PABPC4L: variants seen among roughly 807,000 people sequenced by gnomAD.
PABPC4L encodes the protein polyadenylate-binding protein 4-like.
For synonymous variants in PABPC4L, 169 were observed against 164.1 expected, an observed-to-expected ratio of 1.03 and a Z score of -0.23; for missense variants, 452 against 451.4, an observed-to-expected ratio of 1.00 and a Z score of -0.01.
the PABPC4L span, among the ~76,000 whole-genome samples, chr4:134,180,626 C>T: frequency 6.6e-6 from 1 of 151,046 alleles, no homozygotes; most frequent in Non-Finnish European, 1.5e-5. Context: ...ATAGATAGAC[C>T]TCTAGCTAGA....
At chr4:134,060,537 T>A in the PABPC4L span, among the ~76,000 whole-genome samples, 1 of 151,386 alleles carries the variant, frequency 6.6e-6, no homozygotes, top group African/African-American at 2.4e-5. Context: ...CCAGTCAGAG[T>A]TGTGAGGTCA....
chr4:134,138,845 C>T, the PABPC4L span, among the ~76,000 whole-genome samples: 2 of 151,756 alleles, frequency 1.3e-5, no homozygotes, highest in African/African-American at 4.8e-5. Flanking sequence ...TCTGAATCAG[C>T]TTTGTGCTCA....
chr4:133,966,919 C>T, the PABPC4L span, among the ~76,000 whole-genome samples: 9 of 152,002 alleles, frequency 5.9e-5, no homozygotes, highest in Admixed American at 2.0e-4. Context: ...TTTGGTGTTC[C>T]GGTGAAAGAA....
chr4:133,963,733 CA>C, the PABPC4L span, among the ~76,000 whole-genome samples: 2 of 151,538 alleles, frequency 1.3e-5, no homozygotes, highest in African/African-American at 2.4e-5. Flanking sequence ...ACCTGTTCCT[CA>C]AAAATGAAAT....
the PABPC4L span, among the ~76,000 whole-genome samples, chr4:133,957,687 A>T: frequency 6.6e-6 from 1 of 152,144 alleles, no homozygotes. Flanking sequence ...ACTTTTCTTG[A>T]ACCTCCAGTC....
At chr4:134,082,033 C>T in the PABPC4L span, among the ~76,000 whole-genome samples, 12 of 152,210 alleles carry the variant, frequency 7.9e-5, no homozygotes, top group South Asian at 2.5e-3. Flanking sequence ...AGTGAAATGA[C>T]ATGTTCTGGA....
the PABPC4L span, among the ~76,000 whole-genome samples, chr4:134,136,518 A>C: frequency 9.9e-5 from 15 of 151,928 alleles, no homozygotes; most frequent in African/African-American, 3.4e-4. Context: ...CAATTTTGTT[A>C]GAGTTTTTAA....
At chr4:133,951,281 C>T in the PABPC4L span, among the ~76,000 whole-genome samples, 14,075 of 152,150 alleles carry the variant, frequency 0.093, 802 homozygotes, top group Admixed American at 0.19. Flanking sequence ...TTTGATGCCT[C>T]TTTATTCTTC....
At chr4:134,141,136 C>A in the PABPC4L span, among the ~76,000 whole-genome samples, 3 of 151,536 alleles carry the variant, frequency 2.0e-5, no homozygotes, top group Non-Finnish European at 4.4e-5. Flanking sequence ...TACAAAATAA[C>A]CCTTAGAATG....
chr4:134,045,908 T>C, the PABPC4L span, among the ~76,000 whole-genome samples: 11 of 152,338 alleles, frequency 7.2e-5, no homozygotes, highest in African/African-American at 2.6e-4. Flanking sequence ...AACATTAATG[T>C]AGTATCCAAG....
chr4:133,971,908 G>A, the PABPC4L span, among the ~76,000 whole-genome samples: 2 of 152,046 alleles, frequency 1.3e-5, no homozygotes, highest in East Asian at 1.9e-4. Context: ...TTCTTAATAT[G>A]CCCTCTCAAA....
chr4:134,026,173 G>A, the PABPC4L span, among the ~76,000 whole-genome samples: 128 of 152,032 alleles, frequency 8.4e-4, 1 homozygote, highest in African/African-American at 2.7e-3. Context: ...TTTAAAAAAG[G>A]GTGAGTGAGT....
chr4:134,168,084 C>A, the PABPC4L span, among the ~76,000 whole-genome samples: 1 of 151,664 alleles, frequency 6.6e-6, no homozygotes, highest in African/African-American at 2.4e-5. Flanking sequence ...CCTTTTCTGA[C>A]AAAAGTGGAA....
chr4:134,049,890 A>G, the PABPC4L span, among the ~76,000 whole-genome samples: 1 of 152,306 alleles, frequency 6.6e-6, no homozygotes, highest in Admixed American at 6.5e-5. Context: ...CAAATCTGTA[A>G]AATACAAGAA....
At chr4:134,189,848 C>T in the PABPC4L span, among the ~76,000 whole-genome samples, 10 of 152,120 alleles carry the variant, frequency 6.6e-5, no homozygotes, top group Non-Finnish European at 1.0e-4. Context: ...CTGATTTGGT[C>T]AAGGTCTAAC....
the PABPC4L span, among the ~76,000 whole-genome samples, chr4:134,008,633 A>G: frequency 6.6e-6 from 1 of 151,878 alleles, no homozygotes; most frequent in Non-Finnish European, 1.5e-5. Flanking sequence ...GCATACATAA[A>G]TACGGAGATA....
At chr4:134,078,172 C>A in the PABPC4L span, among the ~76,000 whole-genome samples, 1 of 152,166 alleles carries the variant, frequency 6.6e-6, no homozygotes, top group African/African-American at 2.4e-5. Context: ...ATAAGTATCT[C>A]TATACTATAC....
At chr4:134,062,409 C>T in the PABPC4L span, among the ~76,000 whole-genome samples, 1 of 151,980 alleles carries the variant, frequency 6.6e-6, no homozygotes, top group African/African-American at 2.4e-5. Flanking sequence ...TTTACTTTCC[C>T]ATCTCCCCTG....
chr4:134,106,384 A>C, the PABPC4L span, among the ~76,000 whole-genome samples: 28 of 151,598 alleles, frequency 1.8e-4, no homozygotes, highest in Non-Finnish European at 3.5e-4. Context: ...ACTCAAATCA[A>C]TTTTCAAAAG....
Sources: gnomAD v4.1 joint callset for allele counts (sites outside exome capture counted in the v4.1 genomes callset) on GRCh38, gnomAD v4.1.1 for gene constraint, MANE v1.5 for transcripts, NCBI Gene and HGNC (gene_info 2026-07-23, HGNC 2026-07-21) for gene names.